Variants in FZD3 observed in about 807,000 individuals in gnomAD.
FZD3 encodes frizzled class receptor 3.
In FZD3, 30 loss-of-function variants were observed where a neutral mutation model predicts 60.7. The ratio of observed to expected loss-of-function variants is 0.49; its 90% CI spans 0.37 to 0.67. FZD3 has a LOEUF of 0.67. FZD3 is among the 30% of genes least tolerant of loss of function. The pLI is 0.00. For synonymous variants in FZD3, 246 were observed against 275.2 expected (o/e 0.89, Z 1.05); for missense variants, 605 against 838.7 (o/e 0.72, Z 3.44).
chr8:28,542,364 C>T lies in FZD3; in HGVS notation c.1405-9239C>T, dbSNP rs145316760. 2.6e-3 allele frequency among the ~76,000 whole-genome samples: 397 copies of T among 152,186 alleles called. 2 individuals are homozygous for T. The highest frequency in any genetic ancestry group is 9.1e-3 in the African/African-American group (376 of 41,522). Reference sequence around the variant, plus strand: ...GATCTAAAATTGCTTGCTGGCCGGCCGCTGCGGCTCACTCCTTAATCCTAG... The same window carrying T: ...GATCTAAAATTGCTTGCTGGCCGGCTGCTGCGGCTCACTCCTTAATCCTAG... On this transcript the variant is annotated intron_variant, in intron 5 of 7. Transcript: ENST00000240093.
intron 3 of FZD3, among the ~76,000 whole-genome samples, chr8:28,518,060 C>T (rs1057461996): frequency 3.3e-5 from 5 of 151,952 alleles, no homozygotes; most frequent in African/African-American, 4.8e-5. Flanking sequence ...ATTTCAGAGA[C>T]AGGGTCTCAC....
rs571776298 is a variant in FZD3 at position 28,563,942 on chromosome 8, G to A, written c.*931G>A. 2.4e-4 allele frequency: 37 copies of A among 152,780 alleles called. No individual in the cohort carries two copies. The highest frequency in any genetic ancestry group is 7.7e-4 in the African/African-American group (32 of 41,586). 9.5% of individuals were successfully genotyped at this position (152,780 alleles called of 1,614,324 possible). On this transcript the variant is annotated 3_prime_UTR_variant, in exon 8 of 8. Transcript: ENST00000240093. ...ATTCATTGTTGTATTTTTCTACAGT[G>A]AGATGTGATCTTGCCAAAGCCACCA...
chr8:28,516,442 G>A (rs193278527), intron 3 of FZD3, among the ~76,000 whole-genome samples: 8 of 152,280 alleles, frequency 5.3e-5, no homozygotes, highest in Non-Finnish European at 1.0e-4. Flanking sequence ...ACAGAAGGCC[G>A]TTGGGATTTT....
rs1255595839 is a variant in FZD3, at chr8:28,523,613, A to AT, written c.386+2779_386+2780insT. Among the ~76,000 whole-genome samples, 15 of 151,834 alleles carry AT rather than the reference A, an allele frequency of 9.9e-5. 1 individual carries two copies. In the East Asian group the frequency reaches 1.9e-3, roughly 20 times the overall value. On this transcript the variant is annotated intron_variant, in intron 4 of 7. Coordinates refer to ENST00000240093, the MANE Select transcript of FZD3 (RefSeq NM_017412.4). ...TCCAGCTAATTAAAAAAAAAAAAAA[A>AT]ATTTGTAGAGATGGGGTCTTGCTTT...
chr8:28,569,669 T>C lies in FZD3; in HGVS notation c.*6658T>C, dbSNP rs912956064. On this transcript the variant is annotated 3_prime_UTR_variant, in exon 8 of 8. Transcript: ENST00000240093. ...TCAACTGTTTTTCCATTAGTGATTTTAAGTAATTTTAAAGAAGGAAAATTA... is the reference window on the plus strand; with the variant it reads ...TCAACTGTTTTTCCATTAGTGATTTCAAGTAATTTTAAAGAAGGAAAATTA... 6.6e-6 allele frequency: 1 copy of C among 152,212 alleles called. No individual in the cohort carries two copies. The highest frequency in any genetic ancestry group is 1.5e-5 in the Non-Finnish European group (1 of 68,028). 9.4% of individuals were successfully genotyped at this position (152,212 alleles called of 1,614,324 possible).
intron 3 of FZD3, among the ~76,000 whole-genome samples, chr8:28,504,586 T>C (rs1804088100): frequency 6.6e-6 from 1 of 152,184 alleles, no homozygotes; most frequent in African/African-American, 2.4e-5. Context: ...TTTGGACAGG[T>C]TACTTAACAC....
chr8:28,528,770 G>T (rs1804786239), intron 5 of FZD3, among the ~76,000 whole-genome samples: 1 of 152,116 alleles, frequency 6.6e-6, no homozygotes, highest in African/African-American at 2.4e-5. Context: ...GCTTTGAAAT[G>T]TTAAGTGACT....
rs568926179 is a variant in FZD3, at chr8:28,537,587, A to G, written c.1404+9423A>G. 6.6e-5 allele frequency among the ~76,000 whole-genome samples: 10 copies of G among 152,336 alleles called. No individual in the cohort carries two copies. In the East Asian group the frequency reaches 1.9e-3, roughly 29 times the overall value. The stretch of plus-strand genomic sequence containing the variant: ...AGCAGCCATAGACAGTAAGTCAGCA[A>G]ATGGAAGGAAGTATTCCAATAAAGC... On this transcript the variant is annotated intron_variant, in intron 5 of 7. Transcript: ENST00000240093.
intron 3 of FZD3, among the ~76,000 whole-genome samples, chr8:28,506,496 T>G (rs963126851): frequency 1.3e-5 from 2 of 152,212 alleles, no homozygotes; most frequent in African/African-American, 4.8e-5. Flanking sequence ...TTTTTTCATT[T>G]CAGTTAGTGT....
At chr8:28,510,172 A>T (rs948721467) in intron 3 of FZD3, among the ~76,000 whole-genome samples, 3 of 151,578 alleles carry the variant, frequency 2.0e-5, no homozygotes, top group Non-Finnish European at 4.4e-5. Flanking sequence ...TGATGACATG[A>T]TCCTTATTTT....
In FZD3 at chr8:28,563,067, T is replaced by C; in HGVS notation, c.*56T>C. The C allele has an allele frequency of 8.3e-7, 1 of 1,203,986 alleles. No individual in the cohort carries two copies. Among genetic ancestry groups the C allele is most frequent in the South Asian group, 1.2e-5 (1 of 81,850 alleles). The allele number at this position is 1,203,986 out of a possible 1,614,324, so 74.6% of individuals were successfully genotyped here. ...TGTTTAAAAAGCAGATTTTATTCTT[T>C]GCCTTTTGCATGACTGATAGCTGTA... On this transcript the variant is annotated 3_prime_UTR_variant, in exon 8 of 8. Transcript: ENST00000240093.
At position 28,506,226 on chromosome 8, in the gene FZD3, A is replaced by G. The variant is rs551681070; in HGVS notation, c.189+3024A>G. On this transcript the variant is annotated intron_variant, in intron 3 of 7. Transcript: ENST00000240093. ...CTGGGCAGGCTTTTCCTCATACTGA[A>G]TAATTGAACCAAATTGGCTAGGACG... is the stretch of plus-strand genomic sequence containing the variant. 2.6e-5 allele frequency among the ~76,000 whole-genome samples: 4 copies of G among 152,344 alleles called. No individual in the cohort carries two copies. In the South Asian group the frequency reaches 6.2e-4, roughly 24 times the overall value.
intron 3 of FZD3, among the ~76,000 whole-genome samples, chr8:28,518,626 A>G (rs1004010797): frequency 3.9e-5 from 6 of 152,182 alleles, no homozygotes; most frequent in Non-Finnish European, 7.3e-5. Flanking sequence ...ATTTTGAGAT[A>G]CACATAGGGA....
At chr8:28,531,013 C>T (rs1329042695) in intron 5 of FZD3, among the ~76,000 whole-genome samples, 1 of 152,070 alleles carries the variant, frequency 6.6e-6, no homozygotes, top group African/African-American at 2.4e-5. Flanking sequence ...GTACTCACAA[C>T]CCAACTACCT....
intron 3 of FZD3, among the ~76,000 whole-genome samples, chr8:28,506,092 A>G (rs1207045440): frequency 1.3e-5 from 2 of 152,142 alleles, no homozygotes; most frequent in Non-Finnish European, 2.9e-5. Flanking sequence ...TGCTAAGTAA[A>G]TTTTTGGGAA....
At chr8:28,522,272 A>G (rs764256062) in intron 4 of FZD3, among the ~76,000 whole-genome samples, 59 of 151,688 alleles carry the variant, frequency 3.9e-4, no homozygotes, top group Non-Finnish European at 7.7e-4. Flanking sequence ...ACAAAATGAC[A>G]TTGAAAAAAA....
At position 28,520,820 on chromosome 8, in the gene FZD3, T is replaced by C. The variant is rs1804558625; in HGVS notation, c.372T>C (p.Asp124=). The C allele has an allele frequency of 6.3e-7, 1 of 1,596,036 alleles. No homozygotes were observed. The highest frequency in any genetic ancestry group is 8.5e-7 in the Non-Finnish European group (1 of 1,169,814). ...MEMFGVPWPE[D]MECSRFPDCD... Reference sequence around the variant, plus strand: ...TGTTTGGTGTTCCTTGGCCTGAAGATATGGAATGCAGTAGGTGCGAAAATC... The same window carrying C: ...TGTTTGGTGTTCCTTGGCCTGAAGACATGGAATGCAGTAGGTGCGAAAATC... Residue 124 remains aspartate (D), a synonymous_variant, in exon 4 of 8, where the codon GAT becomes GAC. Coordinates refer to ENST00000240093, the MANE Select transcript of FZD3 (RefSeq NM_017412.4).
intron 3 of FZD3, 24 bp downstream of exon 3, chr8:28,503,226 C>T (rs746942595): frequency 4.2e-5 from 63 of 1,494,850 alleles, no homozygotes; most frequent in South Asian, 1.2e-4. Flanking sequence ...TATTCTTTGA[C>T]GTATCTTAGT....
Position 28,520,818 on chromosome 8 carries a change from G to A in FZD3, c.370G>A (p.Asp124Asn). 6.3e-7 allele frequency: 1 copy of A among 1,596,152 alleles called. No individual in the cohort carries two copies. Among genetic ancestry groups the A allele is most frequent in the East Asian group, 2.2e-5 (1 of 44,490 alleles). Reference sequence around the variant, plus strand: ...GATGTTTGGTGTTCCTTGGCCTGAAGATATGGAATGCAGTAGGTGCGAAAA... The same window carrying A: ...GATGTTTGGTGTTCCTTGGCCTGAAAATATGGAATGCAGTAGGTGCGAAAA... ...MEMFGVPWPE[D>N]MECSRFPDCD... is the part of the protein sequence containing the mutation. The change falls in exon 4 of 8, where the codon GAT becomes AAT. Residue 124 changes from aspartate (D) to asparagine (N), a missense_variant. By Grantham distance (23) the Asp-to-Asn change is conservative. Transcript: ENST00000240093.
Sources: gnomAD v4.1 joint callset for allele counts (sites outside exome capture counted in the v4.1 genomes callset) on GRCh38, gnomAD v4.1.1 for gene constraint, MANE v1.5 for transcripts, NCBI Gene and HGNC (gene_info 2026-07-23, HGNC 2026-07-21) for gene names.